Variants in ATXN1 observed in about 807,000 individuals in gnomAD.
ATXN1 encodes the protein ataxin-1.
ATXN1 carries 8 observed loss-of-function variants against 56.4 expected under a neutral mutation model. The ratio of observed to expected loss-of-function variants is 0.14; its 90% CI spans 0.08 to 0.26. The LOEUF is 0.26. Ranked by LOEUF, ATXN1 falls within the 10% of genes least tolerant of loss-of-function variation. ATXN1 has a pLI of 1.00. For synonymous variants in ATXN1, 514 were observed against 494.6 expected (o/e 1.04, Z -0.52); for missense variants, 987 against 1,106.5 (o/e 0.89, Z 1.53).
chr6:16,661,455 T>C (rs1685676564), intron 2 of ATXN1, among the ~76,000 whole-genome samples: 1 of 152,220 alleles, frequency 6.6e-6, no homozygotes, highest in Admixed American at 6.5e-5. Flanking sequence ...AAGGGCTCAT[T>C]TGGTCTGATT....
intron 6 of ATXN1, among the ~76,000 whole-genome samples, chr6:16,475,723 T>C (rs937881708): frequency 2.0e-5 from 3 of 152,132 alleles, no homozygotes; most frequent in Non-Finnish European, 4.4e-5. Context: ...CTTTGGAAGA[T>C]AAGGAAATAG....
intron 3 of ATXN1, chr6:16,651,978 G>T (rs1410043827): frequency 6.6e-6 from 1 of 152,214 alleles, no homozygotes; most frequent in Non-Finnish European, 1.5e-5. Flanking sequence ...CTAAAGAAGG[G>T]GACCTACCAT....
At chr6:16,542,538 G>A (rs543747761) in intron 4 of ATXN1, among the ~76,000 whole-genome samples, 10 of 152,256 alleles carry the variant, frequency 6.6e-5, no homozygotes, top group African/African-American at 2.2e-4. Flanking sequence ...TCACACTGGG[G>A]CTCTCTCTAG....
At chr6:16,593,858 C>CATATATATAT (rs58000476) in intron 3 of ATXN1, among the ~76,000 whole-genome samples, 2 of 143,546 alleles carry the variant, frequency 1.4e-5, no homozygotes, top group African/African-American at 5.1e-5. Context: ...TGTGTGTGTG[C>CATATATATAT]ATATATATAT....
At chr6:16,721,891 A>G (rs1167439942) in intron 2 of ATXN1, among the ~76,000 whole-genome samples, 1 of 152,212 alleles carries the variant, frequency 6.6e-6, no homozygotes, top group Non-Finnish European at 1.5e-5. Context: ...TGAAAGCTAC[A>G]ATCCTCTCCC....
At chr6:16,748,323 TTCCTAGACTGTGTTACCTGTGTCATGGC>T (rs1488352837) in intron 2 of ATXN1, among the ~76,000 whole-genome samples, 2 of 152,270 alleles carry the variant, frequency 1.3e-5, no homozygotes, top group East Asian at 3.9e-4. Flanking sequence ...TGATCCTGAC[TTCCTAGACTGTGTTACCTGTGTCATGGC>T]TCTTTAAATA....
At chr6:16,337,433 C>G (rs935974289) in intron 6 of ATXN1, among the ~76,000 whole-genome samples, 2 of 152,220 alleles carry the variant, frequency 1.3e-5, no homozygotes, top group African/African-American at 2.4e-5. Flanking sequence ...TAGAAGCCGG[C>G]TCACATGGAA....
At chr6:16,384,559 C>G (rs2113511312) in intron 6 of ATXN1, among the ~76,000 whole-genome samples, 1 of 152,326 alleles carries the variant, frequency 6.6e-6, no homozygotes, top group African/African-American at 2.4e-5. Flanking sequence ...ATTTGTGTCC[C>G]CACCCAAATC....
At chr6:16,659,406 AT>A (rs1212273437) in intron 2 of ATXN1, among the ~76,000 whole-genome samples, 1 of 152,208 alleles carries the variant, frequency 6.6e-6, no homozygotes, top group Non-Finnish European at 1.5e-5. Flanking sequence ...GAGGAGGAGG[AT>A]TTAAACAAGT....
intron 5 of ATXN1, among the ~76,000 whole-genome samples, chr6:16,514,424 T>C (rs1433361552): frequency 1.3e-5 from 2 of 152,100 alleles, no homozygotes; most frequent in African/African-American, 4.8e-5. Context: ...TTCTCATGGG[T>C]GGATGGTGAA....
At chr6:16,545,424 G>C (rs1400977901) in intron 4 of ATXN1, among the ~76,000 whole-genome samples, 1 of 151,030 alleles carries the variant, frequency 6.6e-6, no homozygotes, top group Non-Finnish European at 1.5e-5. Context: ...AAAGTAAAAA[G>C]TTTCCTGAGC....
intron 6 of ATXN1, among the ~76,000 whole-genome samples, chr6:16,419,444 TTAATA>T (rs1758986946): frequency 6.6e-6 from 1 of 151,496 alleles, no homozygotes; most frequent in African/African-American, 2.4e-5. Flanking sequence ...AATATATACA[TTAATA>T]TATTTTATAA....
chr6:16,419,376 A>G (rs1758985303), intron 6 of ATXN1, among the ~76,000 whole-genome samples: 1 of 152,068 alleles, frequency 6.6e-6, no homozygotes, highest in African/African-American at 2.4e-5. Context: ...TATTCTTATG[A>G]TAGTTCTATC....
intron 6 of ATXN1, among the ~76,000 whole-genome samples, chr6:16,470,769 G>A (rs1484181708): frequency 6.6e-6 from 1 of 152,048 alleles, no homozygotes; most frequent in African/African-American, 2.4e-5. Flanking sequence ...AAGACAGGAG[G>A]ATCACTTGAG....
At chr6:16,476,792 A>T (rs1319021345) in intron 6 of ATXN1, among the ~76,000 whole-genome samples, 1 of 152,170 alleles carries the variant, frequency 6.6e-6, no homozygotes. Context: ...ATTTCTTTCA[A>T]TTCCAGTCCC....
chr6:16,549,447 G>A (rs998252546), intron 4 of ATXN1, among the ~76,000 whole-genome samples: 4 of 152,234 alleles, frequency 2.6e-5, no homozygotes, highest in Non-Finnish European at 5.9e-5. Context: ...TGATATATGT[G>A]ACCCACTGTT....
intron 4 of ATXN1, among the ~76,000 whole-genome samples, chr6:16,573,234 G>A (rs373176408): frequency 2.0e-5 from 3 of 151,746 alleles, no homozygotes; most frequent in South Asian, 2.1e-4. Context: ...ATTATTCCTC[G>A]ATGTAGGCAT....
intron 3 of ATXN1, among the ~76,000 whole-genome samples, chr6:16,641,305 T>C (rs1241776752): frequency 6.6e-6 from 1 of 152,182 alleles, no homozygotes; most frequent in East Asian, 1.9e-4. Flanking sequence ...TTTAAGACTT[T>C]CATAGCTAGA....
intron 2 of ATXN1, among the ~76,000 whole-genome samples, chr6:16,745,848 G>A (rs73725228): frequency 0.016 from 2,438 of 151,996 alleles, 75 homozygotes; most frequent in African/African-American, 0.055. Context: ...GCTCTGAGAA[G>A]CTCCTCCTAC....
Sources: allele counts gnomAD v4.1 joint callset (sites outside exome capture counted in the v4.1 genomes callset), GRCh38; gene constraint gnomAD v4.1.1; transcripts MANE v1.5; gene names NCBI Gene and HGNC (gene_info 2026-07-23, HGNC 2026-07-21).